TMEM161B: variants seen among roughly 807,000 people sequenced by gnomAD.
The protein encoded by TMEM161B is transmembrane protein 161B.
In TMEM161B, 34 loss-of-function variants were observed where a neutral mutation model predicts 61.8. That is an observed-to-expected ratio of 0.55 (90% confidence interval 0.42 to 0.73). The LOEUF is 0.73. Ranked by LOEUF, TMEM161B falls within the 30% of genes least tolerant of loss-of-function variation. The probability of loss-of-function intolerance (pLI) is 0.00; values close to 1 mark genes in which losing one functional copy is unlikely to be tolerated. For synonymous variants in TMEM161B, 167 were observed against 192.8 expected (o/e 0.87, Z 1.11); for missense variants, 456 against 558.5 (o/e 0.82, Z 1.85).
At chr5:88,191,500 C>T (rs1470908265), downstream of TMEM161B, among the ~76,000 whole-genome samples, 1 of 152,128 alleles carries the variant, frequency 6.6e-6, no homozygotes, top group Non-Finnish European at 1.5e-5. Flanking sequence ...TGAAAAATAA[C>T]CAAATGGGTA....
Position 88,220,651 on chromosome 5 carries a change from C to T in TMEM161B, c.358G>A (p.Val120Ile). Reference protein sequence around the residue: ...FTVAATVVYLVTEVYYNFMKP... With the variant: ...FTVAATVVYLITEVYYNFMKP... ...ATAAAATTGTAGTAGACTTCAGTTA[C>T]TAGATACACAACTGTAGCAGCCACT... Residue 120 changes from valine (V) to isoleucine (I), a missense_variant, in exon 5 of 12, where the codon GTA (valine) becomes ATA (isoleucine). This residue lies in a region of TMEM161B where 367 missense variants were observed against 427.3 expected (regional missense o/e 0.86). Transcript: ENST00000296595. The T allele has an allele frequency of 6.8e-7, 1 of 1,478,844 alleles. No individual in the cohort carries two copies. 91.6% of individuals were successfully genotyped at this position (1,478,844 alleles called of 1,614,324 possible).
chr5:88,232,737 C>T (rs904064024), intron 2 of TMEM161B, among the ~76,000 whole-genome samples: 2 of 152,122 alleles, frequency 1.3e-5, no homozygotes, highest in African/African-American at 4.8e-5. Context: ...CCATGTCCGG[C>T]TAATTTTTTG....
chr5:88,191,581 C>T (rs570384608), downstream of TMEM161B, among the ~76,000 whole-genome samples: 3 of 152,276 alleles, frequency 2.0e-5, no homozygotes, highest in South Asian at 6.2e-4. Context: ...GAATGCCCTC[C>T]AACATGATCT....
At chr5:88,191,201 G>A (rs1748803870), downstream of TMEM161B, among the ~76,000 whole-genome samples, 1 of 152,074 alleles carries the variant, frequency 6.6e-6, no homozygotes, top group Non-Finnish European at 1.5e-5. Flanking sequence ...TACATTAGTA[G>A]CTATTTTCTT....
At position 88,220,821 on chromosome 5, in the gene TMEM161B, G is replaced by A. The variant is rs191073606; in HGVS notation, c.290-102C>T. On this transcript the variant is annotated intron_variant, in intron 4 of 11. Transcript: ENST00000296595. ...GAGGATTTATTTATAATTAAAATAC[G>A]CTAGACTTTATTTGTTCATTTGCAA... The A allele has an allele frequency of 1.3e-4, 177 of 1,340,230 alleles. 1 individual carries two copies. The African/African-American group carries it at 2.3e-3, about 17-fold the overall frequency. 83.0% of individuals were successfully genotyped at this position (1,340,230 alleles called of 1,614,324 possible). A position where few individuals can be genotyped will look rare whatever the true frequency, so the allele number is the denominator to read the frequency against.
At chr5:88,191,994 A>ATG (rs1748963346), downstream of TMEM161B, among the ~76,000 whole-genome samples, 1 of 56,538 alleles carries the variant, frequency 1.8e-5, no homozygotes, top group African/African-American at 8.4e-5. Context: ...ATATATATAT[A>ATG]TATATATATA....
intron 5 of TMEM161B, among the ~76,000 whole-genome samples, chr5:88,207,777 G>T (rs1745821427): frequency 6.6e-6 from 1 of 152,136 alleles, no homozygotes; most frequent in South Asian, 2.1e-4. Context: ...TTTAATCAAG[G>T]TTAAATCAGT....
intron 4 of TMEM161B, 35 bp from the exon 5 acceptor site, chr5:88,220,754 T>TTA: frequency 1.8e-6 from 2 of 1,140,572 alleles, no homozygotes; most frequent in Non-Finnish European, 1.2e-6. Flanking sequence ...AAAAAAAAGG[T>TTA]CAAAAAAAAC....
chr5:88,199,185 GACA>G (rs1561301688), intron 9 of TMEM161B, 35 bp from the exon 10 acceptor site: 4 of 1,567,456 alleles, frequency 2.6e-6, no homozygotes, highest in Non-Finnish European at 3.5e-6. Context: ...TGCTCTCAAA[GACA>G]ACAATATGCT....
chr5:88,216,229 G>A (rs755303416), intron 5 of TMEM161B, among the ~76,000 whole-genome samples: 20 of 152,192 alleles, frequency 1.3e-4, no homozygotes, highest in Non-Finnish European at 2.1e-4. Flanking sequence ...TTGGGTGACA[G>A]AGTGAGACCT....
At chr5:88,254,503 A>G (rs921218113) in intron 1 of TMEM161B, among the ~76,000 whole-genome samples, 2 of 152,148 alleles carry the variant, frequency 1.3e-5, no homozygotes, top group African/African-American at 4.8e-5. Flanking sequence ...AGCACCTGCA[A>G]ATCTGCATGA....
At chr5:88,245,085 C>T (rs1484209693) in intron 1 of TMEM161B, among the ~76,000 whole-genome samples, 1 of 151,644 alleles carries the variant, frequency 6.6e-6, no homozygotes, top group Non-Finnish European at 1.5e-5. Context: ...CATTTGCAAA[C>T]GGGATAAAAA....
chr5:88,200,652 C>G (rs1744211446), intron 9 of TMEM161B: 1 of 152,036 alleles, frequency 6.6e-6, no homozygotes, highest in African/African-American at 2.4e-5. Context: ...TCATAAATAT[C>G]TGAAGAAGTT....
At chr5:88,233,040 C>A (rs1305007197) in intron 2 of TMEM161B, among the ~76,000 whole-genome samples, 2 of 152,134 alleles carry the variant, frequency 1.3e-5, no homozygotes, top group East Asian at 3.9e-4. Flanking sequence ...ATGCTCGATA[C>A]TTTTAGGGTC....
chr5:88,259,566 T>C (rs1422481192), intron 1 of TMEM161B, among the ~76,000 whole-genome samples: 1 of 152,194 alleles, frequency 6.6e-6, no homozygotes, highest in East Asian at 1.9e-4. Context: ...TAGAAGTGCA[T>C]CTTCAGGCCT....
intron 5 of TMEM161B, among the ~76,000 whole-genome samples, chr5:88,214,571 A>G (rs1747467462): frequency 6.6e-6 from 1 of 152,202 alleles, no homozygotes; most frequent in African/African-American, 2.4e-5. Flanking sequence ...TTTCATAAGC[A>G]AAAATGATAC....
chr5:88,219,462 T>C (rs867575241), intron 5 of TMEM161B, among the ~76,000 whole-genome samples: 2 of 152,116 alleles, frequency 1.3e-5, no homozygotes, highest in African/African-American at 2.4e-5. Context: ...AGGGAACATA[T>C]ATAATTTTAA....
intron 4 of TMEM161B, among the ~76,000 whole-genome samples, chr5:88,222,245 T>C (rs1410776492): frequency 6.6e-6 from 1 of 152,126 alleles, no homozygotes; most frequent in East Asian, 1.9e-4. Context: ...ATTTTTTAAT[T>C]TTTTGTACAG....
At chr5:88,222,686 A>T (rs1316518945) in intron 4 of TMEM161B, among the ~76,000 whole-genome samples, 2 of 152,178 alleles carry the variant, frequency 1.3e-5, no homozygotes, top group Non-Finnish European at 2.9e-5. Context: ...AAAAGTTCTA[A>T]TGTTCTTTAA....
Sources: allele counts gnomAD v4.1 joint callset (sites outside exome capture counted in the v4.1 genomes callset), GRCh38; gene constraint gnomAD v4.1.1; regional missense constraint gnomAD v4.1.1; transcripts MANE v1.5; gene names NCBI Gene and HGNC (gene_info 2026-07-23, HGNC 2026-07-21).